ANK3: variants seen among roughly 807,000 people sequenced by gnomAD.
ANK3 encodes the protein ankyrin 3.
A neutral mutation model predicts 370.9 loss-of-function variants in ANK3; 57 were observed. That is an observed-to-expected ratio of 0.15 (90% CI 0.12 to 0.19). The LOEUF is 0.19. ANK3 is among the 10% of genes least tolerant of loss of function. The pLI is 1.00. For missense variants in ANK3, 4,439 were observed against 5,302.1 expected, an observed-to-expected ratio of 0.84 and a Z score of 5.06; for synonymous variants, 1,929 against 1,946.3, an observed-to-expected ratio of 0.99 and a Z score of 0.23.
intron 43 of ANK3, among the ~76,000 whole-genome samples, chr10:60,031,800 C>T (rs912104218): frequency 2.0e-4 from 30 of 152,180 alleles, no homozygotes; most frequent in African/African-American, 7.0e-4. Flanking sequence ...TGCCCCCCTA[C>T]AGGACCTGGC....
chr10:60,695,087 G>A (rs1478846441), intron 1 of ANK3, among the ~76,000 whole-genome samples: 1 of 149,392 alleles, frequency 6.7e-6, no homozygotes, highest in African/African-American at 2.5e-5. Context: ...AAAAAGGCAG[G>A]GGTTGCAATC....
At chr10:60,403,760 T>C (rs542124821) in intron 2 of ANK3, among the ~76,000 whole-genome samples, 1 of 152,082 alleles carries the variant, frequency 6.6e-6, no homozygotes, top group Non-Finnish European at 1.5e-5. Context: ...GCCAGTATAA[T>C]AAGGCAAAGA....
chr10:60,223,841 C>G (rs986551201), intron 8 of ANK3, among the ~76,000 whole-genome samples: 1 of 152,028 alleles, frequency 6.6e-6, no homozygotes, highest in Non-Finnish European at 1.5e-5. Context: ...CCTTTTTCTA[C>G]TCAGAATACT....
intron 2 of ANK3, among the ~76,000 whole-genome samples, chr10:60,526,628 T>G (rs1056925496): frequency 2.6e-5 from 4 of 152,128 alleles, no homozygotes; most frequent in Admixed American, 6.6e-5. Context: ...GTTGTTAGGA[T>G]AGAGATAATC....
rs895385097 is a variant in ANK3 at position 60,576,963 on chromosome 10, A to G, written c.96+38223T>C. On this transcript the variant is annotated intron_variant, in intron 2 of 43. Transcript: ENST00000373827. ...CAGAGAATGTCAAGTTAGCAGTGAAATTTGAGATGATATTCAATGGTAAAC... is the reference window on the plus strand; with the variant it reads ...CAGAGAATGTCAAGTTAGCAGTGAAGTTTGAGATGATATTCAATGGTAAAC... Among the ~76,000 whole-genome samples, 12 of 152,346 alleles carry G rather than the reference A, an allele frequency of 7.9e-5. No homozygotes were observed. In the South Asian group the frequency reaches 8.3e-4, roughly 11 times the overall value.
At chr10:60,266,029 C>A (rs2097872515) in intron 5 of ANK3, among the ~76,000 whole-genome samples, 1 of 152,220 alleles carries the variant, frequency 6.6e-6, no homozygotes, top group South Asian at 2.1e-4. Flanking sequence ...GGCTTAAATG[C>A]CACCTGTTTC....
rs142473331 is a variant in ANK3 at position 60,052,966 on chromosome 10, G to C, written c.13065+2692C>G. ...GTAAACTTGACAAGTATTTTAAAAT[G>C]TTAAACAGTACTATCAGCCTTGACT... On this transcript the variant is annotated intron_variant, in intron 42 of 43. Transcript: ENST00000280772. Among the ~76,000 whole-genome samples the C allele has an allele frequency of 6.6e-5, 10 of 152,272 alleles. No homozygotes were observed. In the East Asian group the frequency reaches 1.7e-3, roughly 26 times the overall value.
chr10:60,443,631 T>A (rs907016024), intron 2 of ANK3, among the ~76,000 whole-genome samples: 1 of 152,144 alleles, frequency 6.6e-6, no homozygotes, highest in Non-Finnish European at 1.5e-5. Flanking sequence ...TCCTAGGGAA[T>A]ATTGTACTAA....
At chr10:60,723,087 A>G (rs1402313254) in intron 1 of ANK3, among the ~76,000 whole-genome samples, 1 of 152,254 alleles carries the variant, frequency 6.6e-6, no homozygotes. Flanking sequence ...TTAAAAATAT[A>G]TCAATATTTT....
chr10:60,070,969 T>C lies in ANK3; in HGVS notation c.9912A>G (p.Pro3304=), dbSNP rs533226976. ...CTGCCCCGGGAGGAACTGGTGAAGGTGGCTGCACTCTAATGACAGGTTCAG... is the reference window on the plus strand; with the variant it reads ...CTGCCCCGGGAGGAACTGGTGAAGGCGGCTGCACTCTAATGACAGGTTCAG... The part of the protein sequence containing the change: ...QLAEPVIRVQ[P]PSPVPPGADV... The change falls in exon 37 of 44, where the codon CCA becomes CCG. Residue 3304 remains proline, a synonymous_variant. Coordinates refer to ENST00000280772, the MANE Select transcript of ANK3 (RefSeq NM_020987.5). This position sits in a 1 kb window ranked among gnomAD's most constrained non-coding sequence, Gnocchi z 5.7. The C allele has an allele frequency of 4.3e-6, 7 of 1,614,124 alleles. No homozygotes were observed. In the East Asian group the frequency reaches 1.6e-4, roughly 36 times the overall value.
intron 7 of ANK3, among the ~76,000 whole-genome samples, chr10:60,250,514 G>C (rs530617053): frequency 1.6e-4 from 25 of 152,066 alleles, no homozygotes; most frequent in Non-Finnish European, 3.1e-4. Context: ...ACAGGTGCCT[G>C]CCACCACGCC....
intron 1 of ANK3, among the ~76,000 whole-genome samples, chr10:60,381,531 C>G (rs2061546846): frequency 6.6e-6 from 1 of 152,172 alleles, no homozygotes; most frequent in Non-Finnish European, 1.5e-5. Context: ...AGTAAAACTT[C>G]ATTCACTGTA....
At chr10:60,525,506 A>G (rs559752272) in intron 2 of ANK3, among the ~76,000 whole-genome samples, 1 of 152,254 alleles carries the variant, frequency 6.6e-6, no homozygotes, top group South Asian at 2.1e-4. Flanking sequence ...TAGGTGTCTT[A>G]GAAAGATATT....
chr10:60,614,445 A>C (rs1311650663), intron 2 of ANK3, among the ~76,000 whole-genome samples: 3 of 152,230 alleles, frequency 2.0e-5, no homozygotes, highest in African/African-American at 7.2e-5. Context: ...AAAATGAAGC[A>C]AGGAGAACTG....
At chr10:60,522,657 T>C (rs146853333) in intron 2 of ANK3, among the ~76,000 whole-genome samples, 1 of 152,202 alleles carries the variant, frequency 6.6e-6, no homozygotes, top group East Asian at 1.9e-4. Context: ...TCCTATCCAC[T>C]GGCTGAATTC....
At chr10:60,715,902 T>TAC (rs1554816038) in intron 1 of ANK3, among the ~76,000 whole-genome samples, 1 of 152,186 alleles carries the variant, frequency 6.6e-6, no homozygotes, top group African/African-American at 2.4e-5. Flanking sequence ...TTAACAAGAC[T>TAC]CTTCTTCAAG....
chr10:60,320,988 A>G (rs979830486), intron 1 of ANK3, among the ~76,000 whole-genome samples: 1 of 152,220 alleles, frequency 6.6e-6, no homozygotes, highest in Admixed American at 6.5e-5. Context: ...AAACTTTCTA[A>G]GCTTCCTTAG....
chr10:60,310,035 C>A (rs1335539277), intron 1 of ANK3, among the ~76,000 whole-genome samples: 1 of 149,918 alleles, frequency 6.7e-6, no homozygotes, highest in Admixed American at 6.7e-5. Flanking sequence ...AAGTAATCTT[C>A]CTGCTTCAGC....
At chr10:60,115,358 A>G (rs1219464398) in intron 25 of ANK3, among the ~76,000 whole-genome samples, 1 of 152,198 alleles carries the variant, frequency 6.6e-6, no homozygotes, top group African/African-American at 2.4e-5. Flanking sequence ...CTGTGAAGGA[A>G]TATATCACCA....
Sources: gnomAD v4.1 joint callset for allele counts (sites outside exome capture counted in the v4.1 genomes callset) on GRCh38, gnomAD v4.1.1 for gene constraint, Gnocchi (gnomAD v3.1) non-coding constraint, MANE v1.5 for transcripts, NCBI Gene and HGNC (gene_info 2026-07-23, HGNC 2026-07-21) for gene names.